Variants in AXDND1 observed in about 807,000 individuals in gnomAD.
AXDND1 encodes the protein axonemal dynein light chain domain-containing protein 1.
AXDND1 carries 110 observed loss-of-function variants against 137.5 expected under a neutral mutation model. The ratio of observed to expected loss-of-function variants is 0.80; its 90% CI spans 0.69 to 0.94. AXDND1 has a LOEUF of 0.94. Ranked by LOEUF, AXDND1 falls within the 40% of genes least tolerant of loss-of-function variation. AXDND1 has a pLI of 0.00. For missense variants in AXDND1, 1,191 were observed against 1,169.8 expected (o/e 1.02, Z -0.26); for synonymous variants, 414 against 399.7 (o/e 1.04, Z -0.43).
intron 12 of AXDND1, among the ~76,000 whole-genome samples, chr1:179,418,825 C>T (rs1399825724): frequency 5.3e-5 from 8 of 150,358 alleles, no homozygotes; most frequent in South Asian, 2.1e-4. Context: ...TCAGACGGGG[C>T]GGCTGCCGGG....
At chr1:179,420,639 C>CTTTT (rs113126689) in intron 12 of AXDND1, among the ~76,000 whole-genome samples, 1 of 142,362 alleles carries the variant, frequency 7.0e-6, no homozygotes, top group Non-Finnish European at 1.5e-5. Context: ...TGAGGTTTTC[C>CTTTT]TTTTTTTTTT....
At chr1:179,383,631 A>G (rs775929782) in intron 8 of AXDND1, 87 bp downstream of exon 8, 64 of 918,848 alleles carry the variant, frequency 7.0e-5, no homozygotes, top group Non-Finnish European at 1.0e-4. Context: ...ACCCTGCCAT[A>G]TATTTACTAA....
intron 23 of AXDND1, among the ~76,000 whole-genome samples, chr1:179,530,550 T>C (rs890664932): frequency 1.3e-5 from 2 of 152,062 alleles, no homozygotes; most frequent in African/African-American, 4.8e-5. Context: ...TCTTTGATAG[T>C]GTGAGGTCCA....
intron 11 of AXDND1, among the ~76,000 whole-genome samples, chr1:179,405,760 T>TTTTTC (rs1401585543): frequency 6.6e-6 from 1 of 152,080 alleles, no homozygotes; most frequent in Non-Finnish European, 1.5e-5. Context: ...CGTCTCTCTT[T>TTTTTC]TTTTCTTGGG....
intron 11 of AXDND1, among the ~76,000 whole-genome samples, chr1:179,402,534 T>A (rs191825879): frequency 6.6e-6 from 1 of 152,350 alleles, no homozygotes; most frequent in African/African-American, 2.4e-5. Flanking sequence ...CTTGTTTGTA[T>A]ACTTTCATAT....
intron 16 of AXDND1, chr1:179,455,123 A>G (rs1661128299): frequency 6.8e-6 from 1 of 147,734 alleles, no homozygotes; most frequent in African/African-American, 2.6e-5. Flanking sequence ...AAAGAAAAAA[A>G]TTAGCGCTGG....
intron 9 of AXDND1, among the ~76,000 whole-genome samples, chr1:179,387,825 G>A (rs2125111895): frequency 6.6e-6 from 1 of 152,290 alleles, no homozygotes; most frequent in East Asian, 1.9e-4. Context: ...TTCTATGCGA[G>A]TTCTGGCATT....
chr1:179,393,450 G>A (rs1160437596), intron 9 of AXDND1, among the ~76,000 whole-genome samples: 1 of 151,664 alleles, frequency 6.6e-6, no homozygotes, highest in East Asian at 1.9e-4. Flanking sequence ...GGCTATGTGG[G>A]GTCTTTTTTG....
chr1:179,484,137 G>A (rs9787089), intron 18 of AXDND1, among the ~76,000 whole-genome samples: 69,342 of 152,108 alleles, frequency 0.46, 16,708 homozygotes, highest in East Asian at 0.76. Context: ...CTAAGCAGGC[G>A]AGAAGTGACC....
intron 9 of AXDND1, among the ~76,000 whole-genome samples, chr1:179,389,836 T>G (rs913321258): frequency 1.3e-5 from 2 of 152,156 alleles, no homozygotes; most frequent in Non-Finnish European, 2.9e-5. Context: ...AGATGATGTT[T>G]TTTAAATTGA....
chr1:179,413,157 G>C (rs1027327994), intron 12 of AXDND1, among the ~76,000 whole-genome samples: 1 of 151,730 alleles, frequency 6.6e-6, no homozygotes, highest in Admixed American at 6.6e-5. Flanking sequence ...ATTTGACATT[G>C]AACATTTACA....
At chr1:179,419,755 G>A (rs535227631) in intron 12 of AXDND1, among the ~76,000 whole-genome samples, 6 of 152,196 alleles carry the variant, frequency 3.9e-5, no homozygotes, top group African/African-American at 1.4e-4. Flanking sequence ...CAGATTGTTT[G>A]CAATTGGTAT....
chr1:179,525,851 G>A (rs1236917081), intron 22 of AXDND1, among the ~76,000 whole-genome samples: 1 of 151,942 alleles, frequency 6.6e-6, no homozygotes, highest in Non-Finnish European at 1.5e-5. Context: ...GACACACACA[G>A]ACAGTGGAGA....
At chr1:179,483,263 G>A in intron 18 of AXDND1, 42 bp downstream of exon 18, 1 of 1,423,184 alleles carries the variant, frequency 7.0e-7, no homozygotes, top group Non-Finnish European at 9.6e-7. Flanking sequence ...TTTTGCCTCG[G>A]CTGGCAAATT....
rs1274094477 is a variant in AXDND1, at chr1:179,385,295, C to T, written c.799C>T (p.His267Tyr). The change falls in exon 9 of 26, where the codon CAT becomes TAT. Residue 267 changes from histidine (H) to tyrosine (Y), a missense_variant. Coordinates refer to ENST00000367618, the MANE Select transcript of AXDND1 (RefSeq NM_144696.6). The part of the protein sequence containing the change: ...KEQTIYNMIF[H>Y]ELIRQVSVDC... ...ACAGACCATTTACAACATGATATTT[C>T]ATGAACTTATTCGACAAGTCAGTGT... is the stretch of plus-strand genomic sequence containing the variant. 2 of 1,613,080 alleles carry T rather than the reference C, an allele frequency of 1.2e-6. No individual in the cohort carries two copies. The highest frequency in any genetic ancestry group is 2.2e-5 in the East Asian group (1 of 44,850).
intron 16 of AXDND1, among the ~76,000 whole-genome samples, chr1:179,462,301 AAT>A (rs1464297285): frequency 6.6e-6 from 1 of 152,200 alleles, no homozygotes; most frequent in African/African-American, 2.4e-5. Context: ...CTATTGAGAT[AAT>A]CATATAGTTT....
chr1:179,368,686 G>T, intron 2 of AXDND1, 114 bp from the exon 3 acceptor site: 2 of 810,212 alleles, frequency 2.5e-6, no homozygotes, highest in Non-Finnish European at 3.8e-6. Context: ...TTGTCAAATA[G>T]AAGCAATGTT....
chr1:179,543,094 A>G (rs987522125), intron 25 of AXDND1: 7 of 152,252 alleles, frequency 4.6e-5, no homozygotes, highest in African/African-American at 1.4e-4. Context: ...TTAGTGCAAT[A>G]AAATCACTTT....
At chr1:179,533,454 A>G (rs1484465715) in intron 23 of AXDND1, among the ~76,000 whole-genome samples, 1 of 152,180 alleles carries the variant, frequency 6.6e-6, no homozygotes, top group East Asian at 1.9e-4. Context: ...AACTTGACTT[A>G]TAAAGAAACA....
Sources: gnomAD v4.1 joint callset for allele counts (sites outside exome capture counted in the v4.1 genomes callset) on GRCh38, gnomAD v4.1.1 for gene constraint, MANE v1.5 for transcripts, NCBI Gene and HGNC (gene_info 2026-07-23, HGNC 2026-07-21) for gene names.